Variants in TAS2R1 observed in about 807,000 individuals in gnomAD.
TAS2R1 encodes taste receptor type 2 member 1.
For missense variants in TAS2R1, 370 were observed against 353.4 expected (o/e 1.05, Z -0.38); for synonymous variants, 141 against 134.2 (o/e 1.05, Z -0.35).
Position 9,629,152 on chromosome 5 carries a change from T to G in TAS2R1, c.881A>C (p.His294Pro). The change falls in exon 1 of 1, where the codon CAC becomes CCC. Residue 294 changes from histidine to proline, a missense_variant. Transcript: ENST00000382492. ...TCTCTCTCACTGACAGCACTTACTGTGGAGGAGGAACTTTTTTGCATTTTG... is the reference window on the plus strand; with the variant it reads ...TCTCTCTCACTGACAGCACTTACTGGGGAGGAGGAACTTTTTTGCATTTTG... ...LKQNAKKFLLHSKCCQ is the reference protein window; with the variant it reads ...LKQNAKKFLLPSKCCQ The G allele has an allele frequency of 1.9e-6, 3 of 1,570,440 alleles. No individual in the cohort carries two copies. The highest frequency in any genetic ancestry group is 2.6e-6 in the Non-Finnish European group (3 of 1,160,256).
the TAS2R1 span, among the ~76,000 whole-genome samples, chr5:9,844,929 T>C: frequency 3.3e-5 from 5 of 152,148 alleles, no homozygotes; most frequent in African/African-American, 1.2e-4. Context: ...ATAGTGTCAA[T>C]TGTCATCAAA....
chr5:9,866,883 G>C, the TAS2R1 span, among the ~76,000 whole-genome samples: 1 of 152,148 alleles, frequency 6.6e-6, no homozygotes, highest in Non-Finnish European at 1.5e-5. Flanking sequence ...CTCATTGCCT[G>C]AGCAGCTCTT....
chr5:9,849,424 C>T, the TAS2R1 span, among the ~76,000 whole-genome samples: 4 of 152,304 alleles, frequency 2.6e-5, no homozygotes, highest in South Asian at 2.1e-4. Context: ...ATGAAGTAGG[C>T]GCTATTATTA....
At chr5:9,778,341 A>C in the TAS2R1 span, among the ~76,000 whole-genome samples, 1 of 152,244 alleles carries the variant, frequency 6.6e-6, no homozygotes, top group Non-Finnish European at 1.5e-5. Flanking sequence ...GAGCAGGCAG[A>C]GTAGATTTAG....
the TAS2R1 span, among the ~76,000 whole-genome samples, chr5:9,735,153 C>A: frequency 5.3e-5 from 8 of 151,290 alleles, no homozygotes; most frequent in African/African-American, 2.0e-4. Context: ...AGAATTCACT[C>A]ACTATCATGA....
chr5:9,882,905 A>T, the TAS2R1 span, among the ~76,000 whole-genome samples: 1 of 152,232 alleles, frequency 6.6e-6, no homozygotes, highest in Non-Finnish European at 1.5e-5. Flanking sequence ...AAATCATTCT[A>T]TTAAAAAGAC....
the TAS2R1 span, among the ~76,000 whole-genome samples, chr5:9,781,412 C>T: frequency 6.6e-6 from 1 of 152,208 alleles, no homozygotes; most frequent in Non-Finnish European, 1.5e-5. Flanking sequence ...GCTGCAATGG[C>T]CTCCAGAGCT....
chr5:9,849,489 A>G, the TAS2R1 span, among the ~76,000 whole-genome samples: 1 of 152,198 alleles, frequency 6.6e-6, no homozygotes, highest in Non-Finnish European at 1.5e-5. Flanking sequence ...AATCTGCCCA[A>G]TGCTGCATGG....
At chr5:9,737,082 G>C in the TAS2R1 span, among the ~76,000 whole-genome samples, 2 of 152,136 alleles carry the variant, frequency 1.3e-5, no homozygotes, top group African/African-American at 4.8e-5. Flanking sequence ...CATGCAAATG[G>C]GGAAATAAAG....
Position 9,630,312 on chromosome 5 carries a change from G to A in TAS2R1, c.-280C>T, listed in dbSNP as rs183147966. On this transcript the variant is annotated 5_prime_UTR_variant, in exon 1 of 1. Coordinates refer to ENST00000382492, the MANE Select transcript of TAS2R1 (RefSeq NM_019599.3). ...TACCTAGCTTTCAAAGTCATCACAG[G>A]CAAATAATGGAATCAGACACCTTCA... is the stretch of plus-strand genomic sequence containing the variant. 544 of 241,350 alleles carry A rather than the reference G, an allele frequency of 2.3e-3. 1 individual carries two copies. The highest frequency in any genetic ancestry group is 0.012 in the African/African-American group (514 of 44,202). The allele number at this position is 241,350 out of a possible 1,614,324, so 15.0% of individuals were successfully genotyped here.
At chr5:9,872,436 G>A in the TAS2R1 span, among the ~76,000 whole-genome samples, 1 of 152,066 alleles carries the variant, frequency 6.6e-6, no homozygotes, top group East Asian at 1.9e-4. Context: ...GCTTAAGCCA[G>A]TGCAAAAAAA....
chr5:9,754,054 C>T, the TAS2R1 span, among the ~76,000 whole-genome samples: 3 of 152,104 alleles, frequency 2.0e-5, no homozygotes, highest in Non-Finnish European at 4.4e-5. Flanking sequence ...AAAAGCTTAT[C>T]CACCATGATC....
chr5:9,700,699 A>C (rs1741461571), intron 1 of TAS2R1, among the ~76,000 whole-genome samples: 1 of 147,838 alleles, frequency 6.8e-6, no homozygotes, highest in Non-Finnish European at 1.5e-5. Flanking sequence ...CCCAAGATCA[A>C]GGTGTCAGCA....
intron 1 of TAS2R1, among the ~76,000 whole-genome samples, chr5:9,660,163 A>G (rs1355721484): frequency 7.1e-6 from 1 of 141,492 alleles, no homozygotes; most frequent in African/African-American, 2.7e-5. Flanking sequence ...GGTTCATGCC[A>G]TTCTCCTGCC....
chr5:9,854,237 G>A, the TAS2R1 span: 5 of 151,622 alleles, frequency 3.3e-5, no homozygotes, highest in Non-Finnish European at 7.4e-5. Context: ...TTCTTCCTGT[G>A]TGTGTCTCTC....
rs747416313 is a variant in TAS2R1, at chr5:9,629,273, T to G, written c.760A>C (p.Ile254Leu). The change falls in exon 1 of 1, where the codon ATC becomes CTC. Residue 254 changes from isoleucine (I) to leucine (L), a missense_variant. Coordinates refer to ENST00000382492, the MANE Select transcript of TAS2R1 (RefSeq NM_019599.3). ...KVFLSSLKFHIRRFIFLFFIL... is the reference protein window; with the variant it reads ...KVFLSSLKFHLRRFIFLFFIL... ...AAGAACAGAAAGATGAACCTTCTGA[T>G]GTGAAACTTTAGAGAAGAGAGAAAA... is the stretch of plus-strand genomic sequence containing the variant. 1 of 1,613,932 alleles carries G rather than the reference T, an allele frequency of 6.2e-7. No homozygotes were observed. The highest frequency in any genetic ancestry group is 1.3e-5 in the African/African-American group (1 of 74,922).
chr5:9,669,276 C>A (rs901522296), intron 1 of TAS2R1, among the ~76,000 whole-genome samples: 4 of 152,116 alleles, frequency 2.6e-5, no homozygotes, highest in African/African-American at 7.2e-5. Flanking sequence ...TTCTTAGACA[C>A]CGACAAAGAG....
At chr5:9,862,401 C>G in the TAS2R1 span, among the ~76,000 whole-genome samples, 3 of 152,132 alleles carry the variant, frequency 2.0e-5, no homozygotes, top group Non-Finnish European at 4.4e-5. Flanking sequence ...GACAGCCTAA[C>G]CTGCAGAAAA....
chr5:9,653,711 C>T (rs1157449152), intron 2 of TAS2R1, among the ~76,000 whole-genome samples: 1 of 151,958 alleles, frequency 6.6e-6, no homozygotes, highest in Non-Finnish European at 1.5e-5. Context: ...GGATCTTAAC[C>T]TCCAGAAAAC....
Sources: gnomAD v4.1 joint callset for allele counts (sites outside exome capture counted in the v4.1 genomes callset) on GRCh38, gnomAD v4.1.1 for gene constraint, MANE v1.5 for transcripts, NCBI Gene and HGNC (gene_info 2026-07-23, HGNC 2026-07-21) for gene names.